The following FUT8 variants were observed in gnomAD, a reference collection of about 807,000 sequenced individuals.
The protein encoded by FUT8 is alpha-(1,6)-fucosyltransferase.
FUT8 carries 29 observed loss-of-function variants against 71.3 expected under a neutral mutation model. That is an observed-to-expected ratio of 0.41 (90% CI 0.30 to 0.55). The LOEUF (loss-of-function observed/expected upper bound fraction) is 0.55, where lower values mean the gene tolerates loss of function less well. Among genes scored for constraint, FUT8 ranks in the 20% least tolerant of loss-of-function variants. The pLI, the probability that FUT8 is intolerant of heterozygous loss-of-function variation, is 0.34. For missense variants in FUT8, 544 were observed against 702.1 expected, an observed-to-expected ratio of 0.77 and a Z score of 2.55; for synonymous variants, 254 against 239.3, an observed-to-expected ratio of 1.06 and a Z score of -0.57.
chr14:65,464,258 G>GTT (rs1566763367), intron 2 of FUT8, among the ~76,000 whole-genome samples: 2,219 of 80,822 alleles, frequency 0.027, 54 homozygotes, highest in African/African-American at 0.088. Flanking sequence ...CAGTACTTTG[G>GTT]GTTTTTTTTT....
intron 2 of FUT8, among the ~76,000 whole-genome samples, chr14:65,536,430 T>C (rs535743294): frequency 5.9e-5 from 9 of 152,352 alleles, no homozygotes; most frequent in Middle Eastern, 3.4e-3. Flanking sequence ...TTTAAGGGGC[T>C]CTTGTAAGGC....
At chr14:65,560,244 C>G (rs560504785) in intron 2 of FUT8, among the ~76,000 whole-genome samples, 212 of 152,130 alleles carry the variant, frequency 1.4e-3, no homozygotes, top group African/African-American at 4.9e-3. Context: ...TATACAGAAA[C>G]TATTTCTTGT....
rs1340746005 is a variant in FUT8, at chr14:65,733,188, C to T, written c.1260-43C>T. 1.5e-6 allele frequency: 2 copies of T among 1,301,602 alleles called. 1 individual carries two copies. The highest frequency in any genetic ancestry group is 2.1e-6 in the Non-Finnish European group (2 of 934,182). The allele number at this position is 1,301,602 out of a possible 1,614,324, so 80.6% of individuals were successfully genotyped here. A position where few individuals can be genotyped will look rare whatever the true frequency, so the allele number is the denominator to read the frequency against. ...AGAAAGTCTGCCTTCTGATAGGATA[C>T]TGTGATATCTATGACCATCTATAAA... On this transcript the variant is annotated intron_variant, in intron 9 of 10. Transcript: ENST00000673929.
At chr14:65,381,191 C>G in the FUT8 span, among the ~76,000 whole-genome samples, 1 of 152,238 alleles carries the variant, frequency 6.6e-6, no homozygotes, top group African/African-American at 2.4e-5. Context: ...TCTCCCTTTG[C>G]TCTCACTAAT....
intron 7 of FUT8, among the ~76,000 whole-genome samples, chr14:65,700,616 G>A (rs894982912): frequency 6.6e-6 from 1 of 151,798 alleles, no homozygotes; most frequent in Non-Finnish European, 1.5e-5. Context: ...ATCCAGGATG[G>A]TCTCGATCTC....
intron 3 of FUT8, among the ~76,000 whole-genome samples, chr14:65,585,231 T>A (rs1887317400): frequency 6.6e-6 from 1 of 152,176 alleles, no homozygotes; most frequent in South Asian, 2.1e-4. Context: ...TTCACTCTGC[T>A]GTCCAGGCTG....
At chr14:65,429,970 A>G (rs944033178) in intron 1 of FUT8, among the ~76,000 whole-genome samples, 1 of 151,700 alleles carries the variant, frequency 6.6e-6, no homozygotes, top group Non-Finnish European at 1.5e-5. Flanking sequence ...TTATGGAAAT[A>G]AATGTAGAAC....
chr14:65,480,140 G>C (rs968548471), intron 2 of FUT8, among the ~76,000 whole-genome samples: 1 of 151,806 alleles, frequency 6.6e-6, no homozygotes, highest in Non-Finnish European at 1.5e-5. Context: ...TTATCTTTGT[G>C]TCCCTAGTGC....
chr14:65,676,153 T>C (rs1032424421), intron 7 of FUT8, among the ~76,000 whole-genome samples: 8 of 152,306 alleles, frequency 5.3e-5, no homozygotes, highest in Non-Finnish European at 1.2e-4. Flanking sequence ...CAAGAATGAA[T>C]CTTTTAAGCA....
At chr14:65,688,409 T>C (rs1198850332) in intron 7 of FUT8, among the ~76,000 whole-genome samples, 2 of 151,756 alleles carry the variant, frequency 1.3e-5, no homozygotes, top group Non-Finnish European at 2.9e-5. Flanking sequence ...TTTGTAACTT[T>C]ACAGCTCATT....
intron 2 of FUT8, among the ~76,000 whole-genome samples, chr14:65,462,742 C>T (rs2065985696): frequency 6.6e-6 from 1 of 152,156 alleles, no homozygotes; most frequent in Admixed American, 6.5e-5. Flanking sequence ...TACCAAAACC[C>T]CCTGTGGTCA....
chr14:65,447,004 TTGTC>T, intron 1 of FUT8, among the ~76,000 whole-genome samples: 1 of 152,268 alleles, frequency 6.6e-6, no homozygotes, highest in East Asian at 1.9e-4. Flanking sequence ...TTCTGCCCCT[TTGTC>T]TGTCTCTTCT....
At chr14:65,604,829 CCACTTTCCTTCCT>C (rs1402561397) in intron 3 of FUT8, among the ~76,000 whole-genome samples, 2 of 151,762 alleles carry the variant, frequency 1.3e-5, no homozygotes, top group Non-Finnish European at 2.9e-5. Flanking sequence ...CTTCTTAATC[CCACTTTCCTTCCT>C]CACTTTCCAG....
chr14:65,628,452 T>C (rs1203165926), intron 5 of FUT8, among the ~76,000 whole-genome samples: 3 of 152,174 alleles, frequency 2.0e-5, no homozygotes, highest in Non-Finnish European at 4.4e-5. Context: ...GAGACCTTGT[T>C]AGGAGGTTGT....
intron 7 of FUT8, among the ~76,000 whole-genome samples, chr14:65,704,945 C>T (rs1894486285): frequency 6.6e-6 from 1 of 152,190 alleles, no homozygotes; most frequent in African/African-American, 2.4e-5. Context: ...AGTTTAGCTG[C>T]CTTTGCAAGG....
the FUT8 span, among the ~76,000 whole-genome samples, chr14:65,405,355 T>G: frequency 6.6e-6 from 1 of 152,060 alleles, no homozygotes; most frequent in Non-Finnish European, 1.5e-5. Context: ...TATGGAAAAA[T>G]GAGAAAAGAT....
intron 2 of FUT8, among the ~76,000 whole-genome samples, chr14:65,528,358 A>G (rs1477730059): frequency 6.6e-6 from 1 of 152,204 alleles, no homozygotes. Flanking sequence ...CAGGCGCGGG[A>G]TATAATCTCC....
At chr14:65,439,958 A>G (rs12888089) in intron 1 of FUT8, among the ~76,000 whole-genome samples, 1,894 of 71,922 alleles carry the variant, frequency 0.026, 50 homozygotes, top group South Asian at 0.059. Flanking sequence ...GTGTGTGTAT[A>G]TATATATATA....
At chr14:65,405,294 A>T in the FUT8 span, among the ~76,000 whole-genome samples, 1 of 152,242 alleles carries the variant, frequency 6.6e-6, no homozygotes, top group Non-Finnish European at 1.5e-5. Flanking sequence ...TAGGAAAAGT[A>T]AGATTTTAGT....
Sources: gnomAD v4.1 joint callset for allele counts (sites outside exome capture counted in the v4.1 genomes callset) on GRCh38, gnomAD v4.1.1 for gene constraint, MANE v1.5 for transcripts, NCBI Gene and HGNC (gene_info 2026-07-23, HGNC 2026-07-21) for gene names.